The following RAD51B variants were observed in gnomAD, a reference collection of about 807,000 sequenced individuals.
The protein encoded by RAD51B is RAD51 paralog B.
In RAD51B, 38 loss-of-function variants were observed where a neutral mutation model predicts 42.2. The observed-to-expected ratio is 0.90, with a 90% CI of 0.70 to 1.18. The LOEUF (loss-of-function observed/expected upper bound fraction) is 1.18. Among genes scored for constraint, RAD51B ranks in the 50% most tolerant of loss-of-function variants. The probability of loss-of-function intolerance (pLI) is 0.00; values close to 1 mark genes in which losing one functional copy is unlikely to be tolerated. For missense variants in RAD51B, 373 were observed against 400.7 expected, an observed-to-expected ratio of 0.93 and a Z score of 0.59; for synonymous variants, 154 against 145.2, an observed-to-expected ratio of 1.06 and a Z score of -0.43.
chr14:68,508,008 G>A (rs975747459), intron 10 of RAD51B, among the ~76,000 whole-genome samples: 8 of 152,150 alleles, frequency 5.3e-5, no homozygotes, highest in South Asian at 2.1e-4. Flanking sequence ...TCCACTACAC[G>A]CTCCCTGGGA....
Position 67,923,174 on chromosome 14 carries a change from T to C in RAD51B, c.756+35970T>C, listed in dbSNP as rs143973756. 9.7e-4 allele frequency among the ~76,000 whole-genome samples: 148 copies of C among 152,288 alleles called. 4 individuals carry two copies. The East Asian group carries it at 0.027, about 27-fold the overall frequency. ...CTTAGAGTAACGGTCTCCAGTTCCA[T>C]CTAGGTTGCTGTGAATGCCATTGTT... On this transcript the variant is annotated intron_variant, in intron 7 of 10. Coordinates refer to ENST00000471583, the MANE Select transcript of RAD51B (RefSeq NM_133510.4).
intron 7 of RAD51B, among the ~76,000 whole-genome samples, chr14:68,198,646 T>C (rs971874456): frequency 1.3e-5 from 2 of 152,146 alleles, no homozygotes; most frequent in Non-Finnish European, 2.9e-5. Flanking sequence ...TGCAGAGGAT[T>C]GTGATGGTAT....
chr14:68,217,588 C>T (rs1595564172), intron 7 of RAD51B, among the ~76,000 whole-genome samples: 1 of 152,158 alleles, frequency 6.6e-6, no homozygotes. Flanking sequence ...CTGTGTGAAG[C>T]ATCCTACAGG....
intron 7 of RAD51B, among the ~76,000 whole-genome samples, chr14:67,934,471 C>A (rs147211227): frequency 1.3e-4 from 20 of 152,030 alleles, no homozygotes; most frequent in African/African-American, 3.6e-4. Context: ...TGTTTCATTT[C>A]TTTATTTATT....
chr14:68,514,055 G>A (rs1290405472), intron 10 of RAD51B, among the ~76,000 whole-genome samples: 1 of 152,176 alleles, frequency 6.6e-6, no homozygotes, highest in Non-Finnish European at 1.5e-5. Flanking sequence ...AGCAAACGGT[G>A]GTCACTGTGA....
intron 10 of RAD51B, among the ~76,000 whole-genome samples, chr14:68,626,028 T>C (rs1411422256): frequency 6.6e-6 from 1 of 152,246 alleles, no homozygotes; most frequent in African/African-American, 2.4e-5. Context: ...CCAAGCCATA[T>C]AAACACCTCA....
intron 11 of RAD51B, among the ~76,000 whole-genome samples, chr14:68,670,088 G>A (rs985209527): frequency 6.6e-6 from 1 of 152,222 alleles, no homozygotes; most frequent in African/African-American, 2.4e-5. Flanking sequence ...GCTGCCGAGA[G>A]AACCGTCCCG....
chr14:68,263,274 A>G (rs1338951498), intron 7 of RAD51B, among the ~76,000 whole-genome samples: 1 of 152,232 alleles, frequency 6.6e-6, no homozygotes, highest in East Asian at 1.9e-4. Context: ...ACAACATTTT[A>G]CTCAAGACTC....
At position 68,158,148 on chromosome 14, in the gene RAD51B, A is replaced by G. The variant is rs1765534114; in HGVS notation, c.757-133736A>G. Among the ~76,000 whole-genome samples the G allele has an allele frequency of 2.0e-5, 3 of 152,090 alleles. No individual in the cohort carries two copies. In the South Asian group the frequency reaches 6.2e-4, roughly 31 times the overall value. ...TTTTCTTCTCCCATCCCAAGCCACC[A>G]TCCCAACCTGCCTTGACTAAACTCA... On this transcript the variant is annotated intron_variant, in intron 7 of 10. Coordinates refer to ENST00000471583, the MANE Select transcript of RAD51B (RefSeq NM_133510.4).
intron 10 of RAD51B, among the ~76,000 whole-genome samples, chr14:68,513,639 A>T (rs1232367172): frequency 6.6e-6 from 1 of 152,150 alleles, no homozygotes. Context: ...TACTTTGGAA[A>T]AGGCAGGCCA....
chr14:68,080,001 C>T (rs1475095903), intron 7 of RAD51B, among the ~76,000 whole-genome samples: 1 of 152,166 alleles, frequency 6.6e-6, no homozygotes, highest in Non-Finnish European at 1.5e-5. Flanking sequence ...TCAGATAGTT[C>T]ACAAATTTCC....
At chr14:67,951,704 A>G (rs2074452810) in intron 7 of RAD51B, among the ~76,000 whole-genome samples, 4 of 152,192 alleles carry the variant, frequency 2.6e-5, no homozygotes, top group South Asian at 2.1e-4. Flanking sequence ...ACATGTTTTT[A>G]TAACATATAA....
chr14:68,078,684 A>G (rs1436662621), intron 7 of RAD51B, among the ~76,000 whole-genome samples: 1 of 152,108 alleles, frequency 6.6e-6, no homozygotes, highest in African/African-American at 2.4e-5. Context: ...TTTTATCAAG[A>G]TCCTATATTT....
intron 9 of RAD51B, among the ~76,000 whole-genome samples, chr14:68,460,161 C>A (rs3784123): frequency 0.13 from 20,079 of 152,080 alleles, 1,593 homozygotes; most frequent in East Asian, 0.46. Context: ...TCTATAAAAG[C>A]AGCCTCCAGG....
chr14:67,831,170 CG>C (rs555176144), intron 3 of RAD51B, among the ~76,000 whole-genome samples: 261 of 152,156 alleles, frequency 1.7e-3, no homozygotes, highest in African/African-American at 6.0e-3. Context: ...CCACCGCCCC[CG>C]GCCAGTACTT....
intron 11 of RAD51B, chr14:68,683,041 G>A (rs1433253937): frequency 1.0e-5 from 8 of 781,804 alleles, no homozygotes; most frequent in South Asian, 5.9e-5. Context: ...TTGAGTAATC[G>A]CCCAAAATAT....
At chr14:68,322,923 TG>T (rs1476391910) in intron 8 of RAD51B, among the ~76,000 whole-genome samples, 5 of 152,162 alleles carry the variant, frequency 3.3e-5, no homozygotes, top group Non-Finnish European at 7.4e-5. Context: ...CTTGAACGGT[TG>T]GTTAAAAAGG....
chr14:67,942,397 G>A (rs576558196), intron 7 of RAD51B, among the ~76,000 whole-genome samples: 1 of 152,156 alleles, frequency 6.6e-6, no homozygotes, highest in Non-Finnish European at 1.5e-5. Flanking sequence ...AAATCACAAT[G>A]TAGCAGAGAA....
At chr14:68,177,071 G>T (rs1018603569) in intron 7 of RAD51B, among the ~76,000 whole-genome samples, 1 of 152,178 alleles carries the variant, frequency 6.6e-6, no homozygotes, top group Non-Finnish European at 1.5e-5. Context: ...AATGGGCCAA[G>T]AAAGGTAATG....
Sources: gnomAD v4.1 joint callset for allele counts (sites outside exome capture counted in the v4.1 genomes callset) on GRCh38, gnomAD v4.1.1 for gene constraint, MANE v1.5 for transcripts, NCBI Gene and HGNC (gene_info 2026-07-23, HGNC 2026-07-21) for gene names.